FYCO1: variants seen among roughly 807,000 people sequenced by gnomAD.
The protein encoded by FYCO1 is FYVE and coiled-coil domain autophagy adaptor 1, also known as FYVE and coiled-coil domain-containing protein 1.
A neutral mutation model predicts 165.1 loss-of-function variants in FYCO1; 122 were observed. That is an observed-to-expected ratio of 0.74 (90% CI 0.64 to 0.86). The LOEUF (loss-of-function observed/expected upper bound fraction) is 0.86, where lower values mean the gene tolerates loss of function less well. FYCO1 is among the 40% of genes least tolerant of loss of function. The pLI, the probability that FYCO1 is intolerant of heterozygous loss-of-function variation, is 0.00. For missense variants in FYCO1, 1,702 were observed against 1,810.3 expected (o/e 0.94, Z 1.09); for synonymous variants, 648 against 742.5 (o/e 0.87, Z 2.07).
At chr3:45,942,033 C>T (rs748791880) in intron 14 of FYCO1, among the ~76,000 whole-genome samples, 1 of 152,220 alleles carries the variant, frequency 6.6e-6, no homozygotes, top group Non-Finnish European at 1.5e-5. Flanking sequence ...GTAGTCTATG[C>T]GGCCTCATGG....
In FYCO1 at chr3:45,964,549, G is replaced by T; in HGVS notation, c.3151-95C>A. 2 of 1,578,450 alleles carry T rather than the reference G, an allele frequency of 1.3e-6. No individual in the cohort carries two copies. The highest frequency in any genetic ancestry group is 8.6e-7 in the Non-Finnish European group (1 of 1,163,808). Reference sequence around the variant, plus strand: ...GTGTGCCATCCACCCCATCTGGCTGGGTCACTTCTAAATGGAGGGTTGTTT... The same window carrying T: ...GTGTGCCATCCACCCCATCTGGCTGTGTCACTTCTAAATGGAGGGTTGTTT... On this transcript the variant is annotated intron_variant, in intron 9 of 17. Transcript: ENST00000296137. This position sits in a 1 kb window ranked among gnomAD's most constrained non-coding sequence, Gnocchi z 4.1.
chr3:45,971,573 A>G, intron 6 of FYCO1, among the ~76,000 whole-genome samples: 1 of 152,246 alleles, frequency 6.6e-6, no homozygotes, highest in East Asian at 1.9e-4. Context: ...GCTGACAAGG[A>G]CACAACAGGT....
intron 15 of FYCO1, among the ~76,000 whole-genome samples, chr3:45,931,881 C>T (rs956285597): frequency 2.0e-5 from 3 of 152,144 alleles, no homozygotes; most frequent in Non-Finnish European, 4.4e-5. Context: ...AGTAATACAA[C>T]GGTTTTGGGG....
chr3:45,971,654 G>C (rs1210290867), intron 6 of FYCO1, among the ~76,000 whole-genome samples: 1 of 152,088 alleles, frequency 6.6e-6, no homozygotes, highest in Non-Finnish European at 1.5e-5. Context: ...TCAAATTAAG[G>C]AACATTTTAC....
At chr3:45,961,200 T>A (rs906116219) in intron 11 of FYCO1, among the ~76,000 whole-genome samples, 4 of 152,260 alleles carry the variant, frequency 2.6e-5, no homozygotes, top group Middle Eastern at 3.4e-3. Flanking sequence ...ATCGGAAAAA[T>A]TTGAAACTGA....
chr3:45,926,707 G>A (rs545597546), intron 16 of FYCO1, among the ~76,000 whole-genome samples: 7 of 152,324 alleles, frequency 4.6e-5, no homozygotes, highest in South Asian at 2.1e-4. Context: ...GCTCACGCCC[G>A]TAATCTCAAC....
At chr3:45,985,222 GACCTGGTTTGGGGCTAA>G (rs1179433825) in intron 1 of FYCO1, among the ~76,000 whole-genome samples, 200 bp from the exon 2 acceptor site, 7 of 152,166 alleles carry the variant, frequency 4.6e-5, no homozygotes, top group Non-Finnish European at 8.8e-5. Context: ...CAGACACAGT[GACCTGGTTTGGGGCTAA>G]ACAAGAAATT....
intron 14 of FYCO1, among the ~76,000 whole-genome samples, chr3:45,953,445 C>T (rs1200941451): frequency 6.6e-6 from 1 of 152,184 alleles, no homozygotes; most frequent in African/African-American, 2.4e-5. Flanking sequence ...AAGCAAGGAC[C>T]TCCTTTTCTT....
At position 45,993,162 on chromosome 3, in the gene FYCO1, G is replaced by T. The variant is rs185665139; in HGVS notation, c.-113+2560C>A. Among the ~76,000 whole-genome samples, 3 of 152,172 alleles carry T rather than the reference G, an allele frequency of 2.0e-5. No homozygotes were observed. The highest frequency in any genetic ancestry group is 6.5e-5 in the Admixed American group (1 of 15,288). On this transcript the variant is annotated intron_variant, in intron 1 of 17. Coordinates refer to ENST00000296137, the MANE Select transcript of FYCO1 (RefSeq NM_024513.4). The surrounding 1 kb of genome is among the most constrained non-coding windows in gnomAD (Gnocchi z 4.4). The stretch of plus-strand genomic sequence containing the variant: ...TGTACACATCCTCCAAATGGCATCC[G>T]GCCTAATGAGAAACAGGCCCTTGGT...
chr3:45,946,768 T>G (rs1204134292), intron 14 of FYCO1: 1 of 1,614,148 alleles, frequency 6.2e-7, no homozygotes, highest in African/African-American at 1.3e-5. Context: ...CATGAATGGG[T>G]GTTTGGCCAG....
intron 15 of FYCO1, among the ~76,000 whole-genome samples, chr3:45,934,153 G>A (rs1331324650): frequency 6.6e-6 from 1 of 152,140 alleles, no homozygotes; most frequent in Admixed American, 6.5e-5. Flanking sequence ...TACAAGGCAA[G>A]GACAAAAGAT....
intron 15 of FYCO1, among the ~76,000 whole-genome samples, chr3:45,934,934 T>C (rs1575332690): frequency 6.6e-6 from 1 of 152,352 alleles, no homozygotes; most frequent in South Asian, 2.1e-4. Context: ...TGCAGCCAAG[T>C]TGCTCTCCAG....
intron 2 of FYCO1, among the ~76,000 whole-genome samples, chr3:45,982,016 A>T (rs1042605474): frequency 2.6e-5 from 4 of 152,232 alleles, no homozygotes; most frequent in Non-Finnish European, 4.4e-5. Context: ...TGACTTCCAG[A>T]AAGCTTTACC....
intron 14 of FYCO1, among the ~76,000 whole-genome samples, chr3:45,943,870 G>A (rs1704401658): frequency 6.6e-6 from 1 of 152,058 alleles, no homozygotes. Flanking sequence ...AATAATCTCT[G>A]TTTTCATTTC....
intron 12 of FYCO1, 27 bp from the exon 13 acceptor site, chr3:45,958,646 G>A (rs1413232698): frequency 3.1e-6 from 5 of 1,608,340 alleles, no homozygotes; most frequent in East Asian, 2.2e-5. Flanking sequence ...CCCAGGCTGT[G>A]AGGATGACAC....
chr3:45,969,777 C>T lies in FYCO1; in HGVS notation c.540-12G>A. ...TGGTCAGCGTCCTCCTGTGGGGCCA[C>T]AAAACAGACATACCTGTATTCAGAG... On this transcript the variant is annotated splice_polypyrimidine_tract_variant and intron_variant, in intron 6 of 17. Transcript: ENST00000296137. The T allele has an allele frequency of 1.2e-6, 2 of 1,610,332 alleles. No individual in the cohort carries two copies. Among genetic ancestry groups the T allele is most frequent in the Non-Finnish European group, 1.7e-6 (2 of 1,177,408 alleles).
At position 45,976,174 on chromosome 3, in the gene FYCO1, C is replaced by T. The variant is rs149036393; in HGVS notation, c.289-829G>A. 1.7e-3 allele frequency among the ~76,000 whole-genome samples: 264 copies of T among 152,296 alleles called. 3 individuals are homozygous for T. The highest frequency in any genetic ancestry group is 0.017 in the Middle Eastern group (5 of 294). On this transcript the variant is annotated intron_variant, in intron 4 of 17. Transcript: ENST00000296137. The stretch of plus-strand genomic sequence containing the variant: ...TGGCATAGGAAGGCCCAGGTGCAGG[C>T]CTGTCTTCAAAACCTCTCCCCACAG...
At chr3:45,935,036 A>G (rs1357343357) in intron 15 of FYCO1, among the ~76,000 whole-genome samples, 2 of 152,144 alleles carry the variant, frequency 1.3e-5, no homozygotes, top group Non-Finnish European at 2.9e-5. Context: ...CTGCCCCATA[A>G]TTCAATATAG....
At chr3:45,923,336 G>A (rs1480307607) in intron 17 of FYCO1, among the ~76,000 whole-genome samples, 2 of 152,220 alleles carry the variant, frequency 1.3e-5, no homozygotes, top group African/African-American at 2.4e-5. Context: ...ATCAGAGAGA[G>A]GGAAAGGGCA....
Sources: gnomAD v4.1 joint callset for allele counts (sites outside exome capture counted in the v4.1 genomes callset) on GRCh38, gnomAD v4.1.1 for gene constraint, Gnocchi (gnomAD v3.1) non-coding constraint, MANE v1.5 for transcripts, NCBI Gene and HGNC (gene_info 2026-07-23, HGNC 2026-07-21) for gene names.